Variants in PPFIA1 observed in about 807,000 individuals in gnomAD.
The protein encoded by PPFIA1 is liprin-alpha-1.
In PPFIA1, 25 loss-of-function variants were observed where a neutral mutation model predicts 149.9. The observed-to-expected ratio is 0.17, with a 90% confidence interval of 0.12 to 0.23. The LOEUF (loss-of-function observed/expected upper bound fraction) is 0.23. Among genes scored for constraint, PPFIA1 ranks in the 10% least tolerant of loss-of-function variants. PPFIA1 has a pLI of 1.00. For missense variants in PPFIA1, 1,362 were observed against 1,506.5 expected, an observed-to-expected ratio of 0.90 and a Z score of 1.59; for synonymous variants, 549 against 552.8, an observed-to-expected ratio of 0.99 and a Z score of 0.10.
At chr11:70,291,031 A>G (rs1349797501) in intron 2 of PPFIA1, among the ~76,000 whole-genome samples, 1 of 152,086 alleles carries the variant, frequency 6.6e-6, no homozygotes, top group Non-Finnish European at 1.5e-5. Flanking sequence ...GATTACAGGC[A>G]TATGCCACCA....
At chr11:70,323,411 C>G (rs985526945) in intron 2 of PPFIA1, among the ~76,000 whole-genome samples, 1 of 152,160 alleles carries the variant, frequency 6.6e-6, no homozygotes, top group African/African-American at 2.4e-5. Context: ...AAAGTTGAGC[C>G]TCCATTCCAG....
intron 14 of PPFIA1, among the ~76,000 whole-genome samples, chr11:70,340,367 G>C (rs1037909386): frequency 3.9e-5 from 6 of 152,148 alleles, no homozygotes; most frequent in African/African-American, 1.4e-4. Flanking sequence ...TTGAGCCCCG[G>C]GAGGTCAACG....
chr11:70,314,974 C>CA (rs1342229651), intron 2 of PPFIA1, among the ~76,000 whole-genome samples: 1 of 152,116 alleles, frequency 6.6e-6, no homozygotes, highest in Non-Finnish European at 1.5e-5. Context: ...GGAGTGCATG[C>CA]AAGCAGGGGA....
At position 70,372,274 on chromosome 11, in the gene PPFIA1, G is replaced by A. The variant is rs751050245; in HGVS notation, c.2925G>A (p.Leu975=). ...EWIGNEWLPS[L]GLPQYRSYFM... ...TCGGCAACGAGTGGCTCCCCAGCCT[G>A]GGCCTCCCCCAGTACCGCAGCTACT... The change falls in exon 22 of 28, where the codon CTG becomes CTA. Residue 975 remains leucine (L), a synonymous_variant. Coordinates refer to ENST00000253925, the MANE Select transcript of PPFIA1 (RefSeq NM_003626.5). The A allele has an allele frequency of 3.1e-6, 5 of 1,614,072 alleles. No individual in the cohort carries two copies. The East Asian group carries it at 1.1e-4, about 36-fold the overall frequency.
At chr11:70,305,353 C>G (rs567138472) in intron 2 of PPFIA1, among the ~76,000 whole-genome samples, 1 of 152,128 alleles carries the variant, frequency 6.6e-6, no homozygotes, top group South Asian at 2.1e-4. Context: ...TTTGACCTAC[C>G]AACCCACCGA....
In PPFIA1 at chr11:70,272,387, G is replaced by A; in HGVS notation, c.215G>A (p.Gly72Asp). Residue 72 changes from glycine to aspartate, a missense_variant, in exon 2 of 28, where the codon GGT (glycine) becomes GAT (aspartate). Physicochemically the swap from Gly to Asp is moderately conservative, Grantham distance 94. Coordinates refer to ENST00000253925, the MANE Select transcript of PPFIA1 (RefSeq NM_003626.5). ...ALTQGKLHEVGHERDSLQRQL... is the reference protein window; with the variant it reads ...ALTQGKLHEVDHERDSLQRQL... ...ACCCAGGGGAAGTTACACGAGGTTG[G>A]TCATGAAAGAGATTCCTTGCAGAGA... 1 of 1,614,192 alleles carries A rather than the reference G, an allele frequency of 6.2e-7. No homozygotes were observed. Among genetic ancestry groups the A allele is most frequent in the Admixed American group, 1.7e-5 (1 of 60,024 alleles).
chr11:70,376,130 C>A (rs535256727), intron 24 of PPFIA1, among the ~76,000 whole-genome samples: 1 of 151,986 alleles, frequency 6.6e-6, no homozygotes, highest in African/African-American at 2.4e-5. Flanking sequence ...CTGAGATTAC[C>A]GGCACACGCC....
intron 27 of PPFIA1, 27 bp from the exon 28 acceptor site, chr11:70,382,976 G>A (rs1201864498): frequency 2.5e-6 from 1 of 395,676 alleles, no homozygotes; most frequent in Non-Finnish European, 4.8e-6. Flanking sequence ...TGTACTGAGT[G>A]GTTTTTTGTT....
intron 2 of PPFIA1, among the ~76,000 whole-genome samples, chr11:70,301,334 C>G (rs1162598810): frequency 6.6e-6 from 1 of 152,208 alleles, no homozygotes; most frequent in Non-Finnish European, 1.5e-5. Flanking sequence ...GAGAACTCAG[C>G]TTCCCTGCGC....
At chr11:70,330,063 T>G in intron 7 of PPFIA1, 110 bp from the exon 8 acceptor site, 1 of 1,067,300 alleles carries the variant, frequency 9.4e-7, no homozygotes, top group African/African-American at 1.7e-5. Flanking sequence ...TGCTAATTTT[T>G]AATTTGATTG....
Position 70,324,566 on chromosome 11 carries a change from T to C in PPFIA1, c.366+63T>C. On this transcript the variant is annotated intron_variant, in intron 3 of 27. Coordinates refer to ENST00000253925, the MANE Select transcript of PPFIA1 (RefSeq NM_003626.5). ...GCCACTGTCAGGAGGAGGGGCGGTG[T>C]GTCAAAACGAAAGGACGACCCACTC... The C allele has an allele frequency of 2.2e-6, 3 of 1,370,546 alleles. No homozygotes were observed. The South Asian group carries it at 3.7e-5, about 17-fold the overall frequency. The allele number at this position is 1,370,546 out of a possible 1,614,324, so 84.9% of individuals were successfully genotyped here. A position where few individuals can be genotyped will look rare whatever the true frequency, so the allele number is the denominator to read the frequency against.
At chr11:70,274,422 C>T (rs1321364271) in intron 2 of PPFIA1, among the ~76,000 whole-genome samples, 1 of 152,216 alleles carries the variant, frequency 6.6e-6, no homozygotes, top group Admixed American at 6.5e-5. Flanking sequence ...CCCCTCCTAA[C>T]TATTCCCAGT....
intron 21 of PPFIA1, chr11:70,367,732 G>T (rs1295127496): frequency 7.8e-6 from 3 of 383,880 alleles, no homozygotes; most frequent in Non-Finnish European, 1.0e-5. Flanking sequence ...AAACAAGTAG[G>T]GTTCTGCTTC....
intron 2 of PPFIA1, among the ~76,000 whole-genome samples, chr11:70,318,652 C>T (rs2053767642): frequency 6.6e-6 from 1 of 152,220 alleles, no homozygotes; most frequent in Admixed American, 6.5e-5. Flanking sequence ...TTCCCATTCT[C>T]TTTGAACTCA....
Position 70,302,303 on chromosome 11 carries a change from A to G in PPFIA1, c.265-22099A>G, listed in dbSNP as rs2052539348. 1.3e-5 allele frequency among the ~76,000 whole-genome samples: 2 copies of G among 152,134 alleles called. 1 individual carries two copies. Among genetic ancestry groups the G allele is most frequent in the South Asian group, 4.1e-4 (2 of 4,828 alleles). ...GCAGCCACACTGGTCCTTAGAGGGGATGCTTCCCCAGGGAGCAGTGGGAGA... is the reference window on the plus strand; with the variant it reads ...GCAGCCACACTGGTCCTTAGAGGGGGTGCTTCCCCAGGGAGCAGTGGGAGA... On this transcript the variant is annotated intron_variant, in intron 2 of 27. Coordinates refer to ENST00000253925, the MANE Select transcript of PPFIA1 (RefSeq NM_003626.5).
chr11:70,355,905 G>A (rs976348527), intron 18 of PPFIA1, 94 bp downstream of exon 18: 123 of 1,458,892 alleles, frequency 8.4e-5, no homozygotes, highest in Non-Finnish European at 1.1e-4. Flanking sequence ...TGCTCCAGGA[G>A]CCGTGTGCTC....
At chr11:70,317,583 A>G (rs2053709686) in intron 2 of PPFIA1, among the ~76,000 whole-genome samples, 1 of 152,222 alleles carries the variant, frequency 6.6e-6, no homozygotes. Context: ...AGGCAAATCT[A>G]AAATCTGGAA....
At chr11:70,343,060 G>A (rs1373274196) in intron 14 of PPFIA1, among the ~76,000 whole-genome samples, 1 of 143,776 alleles carries the variant, frequency 7.0e-6, no homozygotes. Flanking sequence ...CAATTCTCCT[G>A]CCTCAGCCTC....
At chr11:70,326,038 G>A (rs574183342) in intron 5 of PPFIA1, among the ~76,000 whole-genome samples, 1 of 152,160 alleles carries the variant, frequency 6.6e-6, no homozygotes, top group Admixed American at 6.5e-5. Flanking sequence ...TCATTTTAAG[G>A]ACTACAAAAT....
Sources: allele counts gnomAD v4.1 joint callset (sites outside exome capture counted in the v4.1 genomes callset), GRCh38; gene constraint gnomAD v4.1.1; transcripts MANE v1.5; gene names NCBI Gene and HGNC (gene_info 2026-07-23, HGNC 2026-07-21).